SLC25A10: variants seen among roughly 807,000 people sequenced by gnomAD.
The protein encoded by SLC25A10 is solute carrier family 25 member 10.
Under a neutral mutation model 40.4 loss-of-function variants are expected in SLC25A10, and 32 were observed. The ratio of observed to expected loss-of-function variants is 0.79; its 90% CI spans 0.60 to 1.06. The LOEUF (loss-of-function observed/expected upper bound fraction) is 1.06. Among genes scored for constraint, SLC25A10 ranks in the 50% least tolerant of loss-of-function variants. The pLI is 0.00. For synonymous variants in SLC25A10, 181 were observed against 171.1 expected, an observed-to-expected ratio of 1.06 and a Z score of -0.45; for missense variants, 394 against 402.6, an observed-to-expected ratio of 0.98 and a Z score of 0.18.
chr17:81,717,413 C>A lies in SLC25A10; in HGVS notation c.549C>A (p.Asp183Glu), dbSNP rs756395996. 2 of 1,613,504 alleles carry A rather than the reference C, an allele frequency of 1.2e-6. No homozygotes were observed. Among genetic ancestry groups the A allele is most frequent in the South Asian group, 2.2e-5 (2 of 91,088 alleles). The change falls in exon 8 of 11, where the codon GAC becomes GAA. Residue 183 changes from aspartate to glutamate, a missense_variant. By Grantham distance (45) the Asp-to-Glu change is conservative (BLOSUM62 2). Coordinates refer to ENST00000350690, the MANE Select transcript of SLC25A10 (RefSeq NM_012140.5). ...LVTVGQLSCY[D>E]QAKQLVLSTG... ...TGCCCCTGCAGCTGTCCTGCTACGA[C>A]CAGGCCAAGCAGCTGGTCCTTAGCA...
intron 7 of SLC25A10, 142 bp downstream of exon 7, chr17:81,717,214 G>A (rs1401881831): frequency 5.6e-6 from 6 of 1,073,586 alleles, no homozygotes; most frequent in Admixed American, 2.0e-5. Flanking sequence ...AGGGTGGGGG[G>A]CACGGGTGGG....
Position 81,712,449 on chromosome 17 carries a change from C to A in SLC25A10, c.23C>A (p.Ser8Ter). The A allele has an allele frequency of 7.6e-7, 1 of 1,308,710 alleles. No individual in the cohort carries two copies. The highest frequency in any genetic ancestry group is 9.7e-7 in the Non-Finnish European group (1 of 1,030,332). The allele number at this position is 1,308,710 out of a possible 1,614,324, so 81.1% of individuals were successfully genotyped here. The change falls in exon 1 of 11, where the codon TCG becomes TAG. Residue 8 changes from serine (S) to a stop codon, truncating the protein, a stop_gained. Coordinates refer to ENST00000350690, the MANE Select transcript of SLC25A10 (RefSeq NM_012140.5). LOFTEE classifies it high-confidence loss of function. MAAEARV[S>*]RWYFGGLASC... ...GCCATGGCAGCCGAGGCGCGCGTGT[C>A]GCGCTGGTACTTCGGGGGGCTGGCC...
chr17:81,715,585 CGTCA>C lies in SLC25A10; in HGVS notation c.323_326del (p.Val108AlafsTer3). On this transcript the variant is annotated frameshift_variant, in exon 3 of 11. Transcript: ENST00000350690. LOFTEE classifies it high-confidence loss of function. ...TCCACGAGAAGGTGTTGCTGGGCTC[CGTCA>C]GCGGTGAGCTGCCGGGCGGGAGGGG... 1 of 1,612,514 alleles carries C rather than the reference CGTCA, an allele frequency of 6.2e-7. No homozygotes were observed. The highest frequency in any genetic ancestry group is 8.5e-7 in the Non-Finnish European group (1 of 1,179,542).
chr17:81,712,328 C>CGGGCGCG lies in SLC25A10; in HGVS notation c.-78_-72dup, dbSNP rs543299664. 819 of 847,778 alleles carry CGGGCGCG rather than the reference C, an allele frequency of 9.7e-4. 3 individuals carry two copies. The African/African-American group carries it at 0.01, about 11-fold the overall frequency. 52.5% of individuals were successfully genotyped at this position (847,778 alleles called of 1,614,324 possible). On this transcript the variant is annotated 5_prime_UTR_variant, in exon 1 of 11. Transcript: ENST00000350690. ...CGGGCGCGCGGGCGGCGCTTTGAAC[C>CGGGCGCG]GGGCGCGGGGCGCGGGGCGCGGGGC...
At chr17:81,719,696 C>G in intron 9 of SLC25A10, 135 bp from the exon 10 acceptor site, 3 of 770,436 alleles carry the variant, frequency 3.9e-6, no homozygotes, top group Non-Finnish European at 6.3e-6. Context: ...AGCCGCCGCT[C>G]ACACCCACAC....
Position 81,716,065 on chromosome 17 carries a change from G to A in SLC25A10, c.419+15G>A, listed in dbSNP as rs1310677715. 2 of 1,590,654 alleles carry A rather than the reference G, an allele frequency of 1.3e-6. No individual in the cohort carries two copies. Among genetic ancestry groups the A allele is most frequent in the South Asian group, 1.1e-5 (1 of 88,096 alleles). On this transcript the variant is annotated intron_variant, in intron 5 of 10. Coordinates refer to ENST00000350690, the MANE Select transcript of SLC25A10 (RefSeq NM_012140.5). The stretch of plus-strand genomic sequence containing the variant: ...CAGCGGCGCAAGTGAGTCATGGGCG[G>A]CCTTCTCGGGGTGGTTGAGGTGCAG...
At chr17:81,715,971 G>C in intron 4 of SLC25A10, 38 bp from the exon 5 acceptor site, 1 of 1,551,968 alleles carries the variant, frequency 6.4e-7, no homozygotes, top group Non-Finnish European at 8.7e-7. Context: ...CATGCCCCTC[G>C]GCCCGCCCGC....
chr17:81,717,364 CCCCTACAG>C (rs1187078355), intron 7 of SLC25A10, 27 bp from the exon 8 acceptor site: 17 of 1,605,380 alleles, frequency 1.1e-5, no homozygotes, highest in Non-Finnish European at 1.4e-5. Context: ...GCTGGGGTCC[CCCCTACAG>C]CCCTGACCGC....
At chr17:81,716,154 C>A in intron 5 of SLC25A10, 104 bp downstream of exon 5, 1 of 1,296,738 alleles carries the variant, frequency 7.7e-7, no homozygotes. Context: ...TCCAGCAGGC[C>A]GAGGTGCCTG....
In SLC25A10 at chr17:81,720,299, C is replaced by A; in HGVS notation, c.*222C>A. 2 of 1,435,262 alleles carry A rather than the reference C, an allele frequency of 1.4e-6. No individual in the cohort carries two copies. The highest frequency in any genetic ancestry group is 1.8e-6 in the Non-Finnish European group (2 of 1,100,056). The allele number at this position is 1,435,262 out of a possible 1,614,324, so 88.9% of individuals were successfully genotyped here. On this transcript the variant is annotated 3_prime_UTR_variant, in exon 11 of 11. Coordinates refer to ENST00000350690, the MANE Select transcript of SLC25A10 (RefSeq NM_012140.5). ...CCCCGCTCTGGCTACCAGGCTCTCC[C>A]GGCTGGGCACTGCGTGGCCTTGCCC... is the stretch of plus-strand genomic sequence containing the variant.
At chr17:81,717,171 C>T in intron 7 of SLC25A10, 99 bp downstream of exon 7, 8 of 1,377,590 alleles carry the variant, frequency 5.8e-6, no homozygotes, top group Non-Finnish European at 8.2e-6. Context: ...CCAAAACCCT[C>T]CTGGGGAGCC....
rs776323862 is a variant in SLC25A10 at position 81,715,621 on chromosome 17, C to T, written c.328+29C>T. 3.7e-6 allele frequency: 6 copies of T among 1,610,454 alleles called. No individual in the cohort carries two copies. In the East Asian group the frequency reaches 8.9e-5, roughly 24 times the overall value. The stretch of plus-strand genomic sequence containing the variant: ...AGCTGCCGGGCGGGAGGGGGAGGGG[C>T]GCGGGGTGGTCAGGTCGGCCGAGGA... On this transcript the variant is annotated intron_variant, in intron 3 of 10. Coordinates refer to ENST00000350690, the MANE Select transcript of SLC25A10 (RefSeq NM_012140.5).
At position 81,716,832 on chromosome 17, in the gene SLC25A10, G is replaced by T; in HGVS notation, c.440G>T (p.Gly147Val). ...QRRNYAHALD[G>V]LYRVAREEGL... ...GGCAGCTACGCCCATGCGCTGGATG[G>T]CCTGTACCGCGTAGCTCGTGAAGGT... The change falls in exon 6 of 11, where the codon GGC becomes GTC. Residue 147 changes from glycine (G) to valine (V), a missense_variant. Coordinates refer to ENST00000350690, the MANE Select transcript of SLC25A10 (RefSeq NM_012140.5). The T allele has an allele frequency of 3.7e-6, 6 of 1,610,568 alleles. No homozygotes were observed. Among genetic ancestry groups the T allele is most frequent in the Non-Finnish European group, 5.1e-6 (6 of 1,178,742 alleles).
Position 81,720,650 on chromosome 17 carries a change from G to T in SLC25A10, c.*573G>T. On this transcript the variant is annotated 3_prime_UTR_variant, in exon 11 of 11. Transcript: ENST00000350690. The stretch of plus-strand genomic sequence containing the variant: ...CACAAGCGAGTGCCTGGGAGGGAGT[G>T]GCCCAGGGTGGTTCTGGAGCCATTG... The T allele has an allele frequency of 1.1e-5, 8 of 713,352 alleles. No individual in the cohort carries two copies. The highest frequency in any genetic ancestry group is 1.6e-5 in the Non-Finnish European group (8 of 509,218). 44.2% of individuals were successfully genotyped at this position (713,352 alleles called of 1,614,324 possible). A position where few individuals can be genotyped will look rare whatever the true frequency, so the allele number is the denominator to read the frequency against.
At chr17:81,719,349 G>C (rs1400385054) in intron 9 of SLC25A10, among the ~76,000 whole-genome samples, 1 of 152,208 alleles carries the variant, frequency 6.6e-6, no homozygotes, top group Non-Finnish European at 1.5e-5. Context: ...TTACAGGTGT[G>C]AGTCACTGTG....
At chr17:81,718,056 G>A (rs2037521519) in intron 9 of SLC25A10, among the ~76,000 whole-genome samples, 195 bp downstream of exon 9, 1 of 152,128 alleles carries the variant, frequency 6.6e-6, no homozygotes, top group Non-Finnish European at 1.5e-5. Flanking sequence ...TTTTAGAGAA[G>A]ACTTCTTGGC....
Position 81,715,709 on chromosome 17 carries a change from C to A in SLC25A10, c.345C>A (p.Phe115Leu). ...TCACCGCAGGTTTAGCTGGAGGCTT[C>A]GTGGGGACGCCCGCAGACTTGGTCA... ...LGSVSGLAGG[F>L]VGTPADLVNV... is the part of the protein sequence containing the mutation. The change falls in exon 4 of 11, where the codon TTC becomes TTA. Residue 115 changes from phenylalanine to leucine, a missense_variant. By Grantham distance (22) the Phe-to-Leu change is conservative. Transcript: ENST00000350690. The A allele has an allele frequency of 6.2e-7, 1 of 1,613,348 alleles. No individual in the cohort carries two copies. Among genetic ancestry groups the A allele is most frequent in the Non-Finnish European group, 8.5e-7 (1 of 1,179,930 alleles).
In SLC25A10 at chr17:81,712,519, G is replaced by A; in HGVS notation, c.93G>A (p.Lys31=). 8.0e-7 allele frequency: 1 copy of A among 1,253,290 alleles called. No homozygotes were observed. The highest frequency in any genetic ancestry group is 1.0e-6 in the Non-Finnish European group (1 of 998,028). 77.6% of individuals were successfully genotyped at this position (1,253,290 alleles called of 1,614,324 possible). A position where few individuals can be genotyped will look rare whatever the true frequency, so the allele number is the denominator to read the frequency against. Residue 31 remains lysine, a splice_region_variant and synonymous_variant, in exon 1 of 11, where the codon AAG becomes AAA. Coordinates refer to ENST00000350690, the MANE Select transcript of SLC25A10 (RefSeq NM_012140.5). ...ACCTHPLDLL[K]VHLQTQQEVK... is the part of the protein sequence containing the mutation. ...GCACGCACCCGCTGGACCTGCTCAAGGTGAGGCCGGGGCCCGGGACGCGGG... is the reference window on the plus strand; with the variant it reads ...GCACGCACCCGCTGGACCTGCTCAAAGTGAGGCCGGGGCCCGGGACGCGGG...
chr17:81,713,523 G>A (rs904708386), intron 1 of SLC25A10: 11 of 984,274 alleles, frequency 1.1e-5, no homozygotes, highest in East Asian at 1.1e-4. Flanking sequence ...AGATGTGGGC[G>A]TCTTGGGGCA....
Sources: allele counts gnomAD v4.1 joint callset (sites outside exome capture counted in the v4.1 genomes callset), GRCh38; gene constraint gnomAD v4.1.1; transcripts MANE v1.5; gene names NCBI Gene and HGNC (gene_info 2026-07-23, HGNC 2026-07-21).